The following GRIK4 variants were observed in gnomAD, a reference collection of about 807,000 sequenced individuals.
GRIK4 encodes the protein glutamate ionotropic receptor kainate type subunit 4, also known as glutamate receptor ionotropic, kainate 4.
GRIK4 carries 40 observed loss-of-function variants against 104.9 expected under a neutral mutation model. The observed-to-expected ratio is 0.38, with a 90% CI of 0.30 to 0.50. The LOEUF (loss-of-function observed/expected upper bound fraction) is 0.50. Among genes scored for constraint, GRIK4 ranks in the 20% least tolerant of loss-of-function variants. The pLI is 0.93. For synonymous variants in GRIK4, 485 were observed against 524.9 expected (o/e 0.92, Z 1.04); for missense variants, 1,047 against 1,308.1 (o/e 0.80, Z 3.08).
intron 11 of GRIK4, among the ~76,000 whole-genome samples, chr11:120,878,635 A>G (rs1954883080): frequency 7.0e-6 from 1 of 142,068 alleles, no homozygotes; most frequent in Admixed American, 7.3e-5. Flanking sequence ...TTTTTCAACA[A>G]ATCTAGTGAG....
rs542694402 is a variant in GRIK4, at chr11:120,696,307, A to G, written c.82+35907A>G. Among the ~76,000 whole-genome samples the G allele has an allele frequency of 9.9e-5, 15 of 152,192 alleles. No homozygotes were observed. In the East Asian group the frequency reaches 2.9e-3, roughly 29 times the overall value. Reference sequence around the variant, plus strand: ...CAACCAGGGAAGAGATGTGTCCTGTACAGCAGACTTACGCTATCCACAGAG... The same window carrying G: ...CAACCAGGGAAGAGATGTGTCCTGTGCAGCAGACTTACGCTATCCACAGAG... On this transcript the variant is annotated intron_variant, in intron 3 of 20. Transcript: ENST00000527524.
At chr11:120,750,060 T>C (rs765197127) in intron 3 of GRIK4, among the ~76,000 whole-genome samples, 22 of 152,040 alleles carry the variant, frequency 1.4e-4, no homozygotes, top group Non-Finnish European at 2.5e-4. Flanking sequence ...GCCTCCTCAT[T>C]TTACAGGTGA....
chr11:120,556,797 G>T (rs1484508348), intron 1 of GRIK4, among the ~76,000 whole-genome samples: 3 of 152,046 alleles, frequency 2.0e-5, no homozygotes, highest in African/African-American at 7.2e-5. Context: ...TCTCCTCTCC[G>T]TTCCTTCCTT....
rs1424806711 is a variant in GRIK4, at chr11:120,905,650, A to G, written c.1476+157A>G. Among the ~76,000 whole-genome samples, 1 of 152,220 alleles carries G rather than the reference A, an allele frequency of 6.6e-6. No homozygotes were observed. Among genetic ancestry groups the G allele is most frequent in the Non-Finnish European group, 1.5e-5 (1 of 68,042 alleles). ...CACTCATTCTATAAATCTTGCCTGGACTGGCACAGACGTGCGGTGGTGGAT... is the reference window on the plus strand; with the variant it reads ...CACTCATTCTATAAATCTTGCCTGGGCTGGCACAGACGTGCGGTGGTGGAT... On this transcript the variant is annotated intron_variant, in intron 13 of 20. Coordinates refer to ENST00000527524, the MANE Select transcript of GRIK4 (RefSeq NM_014619.5). This position sits in a 1 kb window ranked among gnomAD's most constrained non-coding sequence, Gnocchi z 5.1.
intron 6 of GRIK4, among the ~76,000 whole-genome samples, chr11:120,830,737 C>T (rs1953405032): frequency 6.6e-6 from 1 of 152,180 alleles, no homozygotes; most frequent in Non-Finnish European, 1.5e-5. Context: ...ATGTTTCGCA[C>T]ATTAACTGGA....
At chr11:120,703,674 C>T (rs548141796) in intron 3 of GRIK4, among the ~76,000 whole-genome samples, 1 of 152,206 alleles carries the variant, frequency 6.6e-6, no homozygotes, top group Admixed American at 6.5e-5. Flanking sequence ...GCCGTATCTC[C>T]TGAGCAGCAA....
At chr11:120,611,408 A>G (rs1949036039) in intron 1 of GRIK4, among the ~76,000 whole-genome samples, 1 of 152,208 alleles carries the variant, frequency 6.6e-6, no homozygotes, top group Non-Finnish European at 1.5e-5. Flanking sequence ...CTAAAAAATG[A>G]TTAGCATTAA....
chr11:120,969,373 G>A (rs1274007158), intron 19 of GRIK4, among the ~76,000 whole-genome samples: 2 of 152,214 alleles, frequency 1.3e-5, no homozygotes, highest in East Asian at 3.9e-4. Context: ...GACACCGTGG[G>A]AGGAGGGCAT....
At chr11:120,936,889 G>A (rs1248016738) in intron 13 of GRIK4, among the ~76,000 whole-genome samples, 1 of 151,772 alleles carries the variant, frequency 6.6e-6, no homozygotes, top group African/African-American at 2.4e-5. Context: ...GGAGCAGAAG[G>A]GCTTGGATGA....
intron 2 of GRIK4, 135 bp downstream of exon 2, chr11:120,653,927 C>T (rs570259228): frequency 5.9e-5 from 9 of 152,354 alleles, no homozygotes; most frequent in Non-Finnish European, 1.2e-4. Context: ...CTTCCCTTCC[C>T]TCTGCACTCA....
At chr11:120,536,035 T>C (rs563210066) in intron 1 of GRIK4, among the ~76,000 whole-genome samples, 38 of 152,308 alleles carry the variant, frequency 2.5e-4, no homozygotes, top group African/African-American at 7.5e-4. Flanking sequence ...TGAACTCTCA[T>C]GTCAGGCTTA....
intron 1 of GRIK4, among the ~76,000 whole-genome samples, chr11:120,625,606 T>C (rs1204536962): frequency 6.6e-6 from 1 of 151,882 alleles, no homozygotes; most frequent in Non-Finnish European, 1.5e-5. Context: ...TCAGTGGGCA[T>C]AGCTCATCTT....
intron 13 of GRIK4, among the ~76,000 whole-genome samples, chr11:120,923,486 C>A (rs1314022696): frequency 6.9e-6 from 1 of 144,434 alleles, no homozygotes; most frequent in Non-Finnish European, 1.5e-5. Flanking sequence ...GATCTCGGCT[C>A]ACTGCAAGCT....
rs1943672770 is a variant in GRIK4 at position 120,939,620 on chromosome 11, G to A, written c.1477-727G>A. ...TTTACTTTTCATTGTAGCCCCTTCA[G>A]CAAAGTTTCTTACACACCATAAGCA... is the stretch of plus-strand genomic sequence containing the variant. On this transcript the variant is annotated intron_variant, in intron 13 of 20. Coordinates refer to ENST00000527524, the MANE Select transcript of GRIK4 (RefSeq NM_014619.5). This position sits in a 1 kb window ranked among gnomAD's most constrained non-coding sequence, Gnocchi z 5.6. Among the ~76,000 whole-genome samples the A allele has an allele frequency of 6.6e-6, 1 of 152,204 alleles. No individual in the cohort carries two copies. Among genetic ancestry groups the A allele is most frequent in the East Asian group, 1.9e-4 (1 of 5,202 alleles).
At chr11:120,691,368 C>T (rs1300502391) in intron 3 of GRIK4, among the ~76,000 whole-genome samples, 1 of 152,170 alleles carries the variant, frequency 6.6e-6, no homozygotes, top group East Asian at 1.9e-4. Flanking sequence ...GCGATGTGAC[C>T]AGCCTTGTGC....
chr11:120,609,704 C>T (rs534525991), intron 1 of GRIK4, among the ~76,000 whole-genome samples: 3 of 151,470 alleles, frequency 2.0e-5, no homozygotes, highest in South Asian at 2.1e-4. Flanking sequence ...AGTACAGATG[C>T]GGTTTCACCA....
At chr11:120,616,989 C>T in intron 1 of GRIK4, among the ~76,000 whole-genome samples, 1 of 152,122 alleles carries the variant, frequency 6.6e-6, no homozygotes, top group Admixed American at 6.5e-5. Context: ...AAGAGGGTTC[C>T]AGGATGGCAG....
At position 120,903,403 on chromosome 11, in the gene GRIK4, C is replaced by T. The variant is rs1353775834; in HGVS notation, c.1273-1887C>T. ...GAGCTCCCTTCTCTCTGTGAACCCA[C>T]CCATACCCTCTACCTCACCTCCAGG... On this transcript the variant is annotated intron_variant, in intron 12 of 20. Transcript: ENST00000527524. The surrounding 1 kb of genome is among the most constrained non-coding windows in gnomAD (Gnocchi z 4.4). Among the ~76,000 whole-genome samples the T allele has an allele frequency of 6.6e-6, 1 of 152,130 alleles. No individual in the cohort carries two copies. Among genetic ancestry groups the T allele is most frequent in the Admixed American group, 6.5e-5 (1 of 15,282 alleles).
At chr11:120,602,006 C>T (rs1038379997) in intron 1 of GRIK4, among the ~76,000 whole-genome samples, 3 of 152,116 alleles carry the variant, frequency 2.0e-5, no homozygotes, top group Admixed American at 1.3e-4. Context: ...GGAACCCTCA[C>T]CTTCTGAGCC....
Sources: allele counts gnomAD v4.1 joint callset (sites outside exome capture counted in the v4.1 genomes callset), GRCh38; gene constraint gnomAD v4.1.1; non-coding constraint Gnocchi (gnomAD v3.1); transcripts MANE v1.5; gene names NCBI Gene and HGNC (gene_info 2026-07-23, HGNC 2026-07-21).